Variants in F13A1 observed in about 807,000 individuals in gnomAD.
The protein encoded by F13A1 is FSF, A subunit.
F13A1 carries 47 observed loss-of-function variants against 80.1 expected under a neutral mutation model. The observed-to-expected ratio is 0.59, with a 90% CI of 0.46 to 0.75. The LOEUF is 0.75. F13A1 is among the 30% of genes least tolerant of loss of function. The probability of loss-of-function intolerance (pLI) is 0.00; values close to 1 mark genes in which losing one functional copy is unlikely to be tolerated. For synonymous variants in F13A1, 349 were observed against 344.9 expected, an observed-to-expected ratio of 1.01 and a Z score of -0.13; for missense variants, 817 against 930.4, an observed-to-expected ratio of 0.88 and a Z score of 1.59.
At chr6:6,308,957 T>G (rs1256161396) in intron 2 of F13A1, among the ~76,000 whole-genome samples, 1 of 152,166 alleles carries the variant, frequency 6.6e-6, no homozygotes, top group African/African-American at 2.4e-5. Context: ...AGTCACCCAC[T>G]CATGTTGCTA....
At chr6:6,291,883 A>T (rs767156659) in intron 3 of F13A1, among the ~76,000 whole-genome samples, 1 of 152,042 alleles carries the variant, frequency 6.6e-6, no homozygotes, top group Non-Finnish European at 1.5e-5. Context: ...GAAGCTTCAG[A>T]CTCATATTAT....
chr6:6,280,921 C>T (rs1758051495), intron 3 of F13A1, among the ~76,000 whole-genome samples: 1 of 152,176 alleles, frequency 6.6e-6, no homozygotes, highest in African/African-American at 2.4e-5. Flanking sequence ...TCTGCCACTA[C>T]TTAAATTCCA....
intron 8 of F13A1, 56 bp from the exon 9 acceptor site, chr6:6,197,382 G>C: frequency 6.5e-7 from 1 of 1,544,524 alleles, no homozygotes; most frequent in Non-Finnish European, 8.9e-7. Flanking sequence ...AATGCTCCAA[G>C]AGATCAAGAA....
At chr6:6,145,911 G>C in intron 14 of F13A1, 139 bp from the exon 15 acceptor site, 1 of 1,116,154 alleles carries the variant, frequency 9.0e-7, no homozygotes, top group Non-Finnish European at 1.3e-6. Flanking sequence ...CTCACTGGCT[G>C]ATTCAGCAAG....
At chr6:6,283,006 C>T (rs1481515976) in intron 3 of F13A1, among the ~76,000 whole-genome samples, 1 of 152,240 alleles carries the variant, frequency 6.6e-6, no homozygotes, top group Non-Finnish European at 1.5e-5. Flanking sequence ...GGCACTCAAC[C>T]TGTGCCACCA....
Position 6,250,724 on chromosome 6 carries a change from T to C in F13A1, c.690+87A>G, listed in dbSNP as rs1482954739. ...AGCAGGAAATTGTGCTTGTCTAATA[T>C]CGATATATGGGATCCTGTAGGGATA... On this transcript the variant is annotated intron_variant, in intron 5 of 14. Transcript: ENST00000264870. This position sits in a 1 kb window ranked among gnomAD's most constrained non-coding sequence, Gnocchi z 4.2. 2.3e-6 allele frequency: 2 copies of C among 884,968 alleles called. No individual in the cohort carries two copies. Among genetic ancestry groups the C allele is most frequent in the Non-Finnish European group, 3.8e-6 (2 of 525,472 alleles). 54.8% of individuals were successfully genotyped at this position (884,968 alleles called of 1,614,324 possible).
At chr6:6,172,470 A>T in intron 12 of F13A1, among the ~76,000 whole-genome samples, 1 of 145,296 alleles carries the variant, frequency 6.9e-6, no homozygotes, top group Non-Finnish European at 1.5e-5. Context: ...TTTTGAGATG[A>T]AGTCTTGCTC....
intron 2 of F13A1, among the ~76,000 whole-genome samples, chr6:6,312,222 A>G (rs1274842966): frequency 1.3e-5 from 2 of 151,656 alleles, no homozygotes; most frequent in Non-Finnish European, 2.9e-5. Flanking sequence ...GATGTTTTCT[A>G]ACATGTTACT....
chr6:6,219,525 A>G (rs1757156579), intron 8 of F13A1, among the ~76,000 whole-genome samples: 1 of 152,214 alleles, frequency 6.6e-6, no homozygotes, highest in Non-Finnish European at 1.5e-5. Context: ...GATGAAGAAA[A>G]TGAAGCTCAG....
rs28418707 is a variant in F13A1, at chr6:6,217,356, T to G, written c.1112+4677A>C. On this transcript the variant is annotated intron_variant, in intron 8 of 14. Transcript: ENST00000264870. ...TGGAATACTATGCAGCCATAAAAAA[T>G]GATGAGTTCATGTCCTTTGTAGGGA... 5.1e-3 allele frequency among the ~76,000 whole-genome samples: 754 copies of G among 149,160 alleles called. 6 individuals carry two copies. Among genetic ancestry groups the G allele is most frequent in the African/African-American group, 0.018 (700 of 39,736 alleles).
intron 2 of F13A1, among the ~76,000 whole-genome samples, chr6:6,313,384 T>C (rs539318199): frequency 7.0e-6 from 1 of 142,006 alleles, no homozygotes; most frequent in South Asian, 2.3e-4. Context: ...TTAGCCTAAT[T>C]CCAAACATAT....
At chr6:6,234,255 C>T (rs1225353150) in intron 6 of F13A1, among the ~76,000 whole-genome samples, 1 of 152,104 alleles carries the variant, frequency 6.6e-6, no homozygotes, top group Non-Finnish European at 1.5e-5. Context: ...AGCAAAGTTT[C>T]TGGATACAAG....
At position 6,175,741 on chromosome 6, in the gene F13A1, C is replaced by T. The variant is rs936283920; in HGVS notation, c.1460-874G>A. On this transcript the variant is annotated intron_variant, in intron 11 of 14. Transcript: ENST00000264870. Reference sequence around the variant, plus strand: ...TTTTTGAGGGACATCTGTTGACAGGCGGTGGTGCACCTAAGTTCTAATGCA... The same window carrying T: ...TTTTTGAGGGACATCTGTTGACAGGTGGTGGTGCACCTAAGTTCTAATGCA... Among the ~76,000 whole-genome samples the T allele has an allele frequency of 5.9e-5, 9 of 152,176 alleles. No individual in the cohort carries two copies. The South Asian group carries it at 1.2e-3, about 21-fold the overall frequency.
intron 2 of F13A1, among the ~76,000 whole-genome samples, chr6:6,313,984 C>CCCTTTTTT (rs374113663): frequency 1.1e-4 from 16 of 139,312 alleles, no homozygotes; most frequent in East Asian, 4.3e-4. Context: ...TTTCTCCTTA[C>CCCTTTTTT]TCTTTTTTTT....
intron 2 of F13A1, among the ~76,000 whole-genome samples, chr6:6,317,542 C>T (rs1222324135): frequency 6.6e-6 from 1 of 152,030 alleles, no homozygotes; most frequent in Non-Finnish European, 1.5e-5. Context: ...GACACCAGTC[C>T]ACAACACCTG....
chr6:6,230,480 C>T (rs1287391208), intron 6 of F13A1, among the ~76,000 whole-genome samples: 5 of 152,104 alleles, frequency 3.3e-5, no homozygotes, highest in East Asian at 1.9e-4. Context: ...CCTAGCCCAG[C>T]CCCCAGTTGA....
chr6:6,302,397 G>A lies in F13A1; in HGVS notation c.319+2954C>T, dbSNP rs894669339. On this transcript the variant is annotated intron_variant, in intron 3 of 14. Coordinates refer to ENST00000264870, the MANE Select transcript of F13A1 (RefSeq NM_000129.4). ...CCTAGGCTATATGGCAGAGCCTACT[G>A]CTGTTAGGTTACAGACTCATAGTGT... 2.0e-5 allele frequency among the ~76,000 whole-genome samples: 3 copies of A among 152,296 alleles called. No individual in the cohort carries two copies. The South Asian group carries it at 6.2e-4, about 32-fold the overall frequency.
chr6:6,207,715 G>A (rs774666445), intron 8 of F13A1, among the ~76,000 whole-genome samples: 10 of 152,146 alleles, frequency 6.6e-5, no homozygotes, highest in African/African-American at 1.9e-4. Context: ...CACACACAAC[G>A]CTACTTGGCT....
chr6:6,299,724 C>T (rs1289423339), intron 3 of F13A1, among the ~76,000 whole-genome samples: 6 of 145,336 alleles, frequency 4.1e-5, no homozygotes, highest in Non-Finnish European at 3.0e-5. Flanking sequence ...GTAATTTGAT[C>T]GTCTGAAGCC....
Sources: allele counts gnomAD v4.1 joint callset (sites outside exome capture counted in the v4.1 genomes callset), GRCh38; gene constraint gnomAD v4.1.1; non-coding constraint Gnocchi (gnomAD v3.1); transcripts MANE v1.5; gene names NCBI Gene and HGNC (gene_info 2026-07-23, HGNC 2026-07-21).